Variants in PCDHA5 observed in about 807,000 individuals in gnomAD.
PCDHA5 encodes the protein protocadherin alpha 5.
In PCDHA5, 43 loss-of-function variants were observed where a neutral mutation model predicts 61.6. The observed-to-expected ratio is 0.70, with a 90% CI of 0.55 to 0.90. The LOEUF (loss-of-function observed/expected upper bound fraction) is 0.90. PCDHA5 is among the 40% of genes least tolerant of loss of function. PCDHA5 has a pLI of 0.00. For missense variants in PCDHA5, 1,298 were observed against 1,222.7 expected (o/e 1.06, Z -0.92); for synonymous variants, 627 against 543.9 (o/e 1.15, Z -2.13).
intron 1 of PCDHA5, chr5:140,863,238 T>G (rs1367184463): frequency 9.1e-6 from 12 of 1,318,616 alleles, no homozygotes; most frequent in Non-Finnish European, 1.3e-5. Context: ...CATCGCGGGC[T>G]TTGGCGGGCG....
intron 1 of PCDHA5, chr5:140,883,818 T>A (rs1349664661): frequency 6.2e-7 from 1 of 1,612,072 alleles, no homozygotes; most frequent in African/African-American, 1.3e-5. Flanking sequence ...AGCGGCAAGG[T>A]GTACGCGCTG....
intron 1 of PCDHA5, among the ~76,000 whole-genome samples, chr5:140,918,975 T>C (rs141194276): frequency 6.6e-6 from 1 of 152,310 alleles, no homozygotes; most frequent in East Asian, 1.9e-4. Flanking sequence ...ATCGTTTAGG[T>C]TAGTTGGTTT....
In PCDHA5 at chr5:140,851,054, T is replaced by C. The variant is rs1269980672; in HGVS notation, c.2352+26927T>C. The C allele has an allele frequency of 2.8e-5, 38 of 1,379,008 alleles. 5 individuals carry two copies. Among genetic ancestry groups the C allele is most frequent in the Non-Finnish European group, 3.5e-5 (37 of 1,051,766 alleles). The allele number at this position is 1,379,008 out of a possible 1,614,324, so 85.4% of individuals were successfully genotyped here. ...CTTAACATTGGAGCCGACTTTGTCT[T>C]GACTTCTAGTGAGAATTATAAACTG... On this transcript the variant is annotated intron_variant, in intron 1 of 3. Coordinates refer to ENST00000529859, the MANE Select transcript of PCDHA5 (RefSeq NM_018908.3).
intron 1 of PCDHA5, among the ~76,000 whole-genome samples, chr5:140,847,134 A>G (rs1210661520): frequency 6.7e-6 from 1 of 149,754 alleles, no homozygotes; most frequent in African/African-American, 2.4e-5. Flanking sequence ...AGGAAAACCA[A>G]TGTAAGAAGA....
rs2098417470 is a variant in PCDHA5, at chr5:141,010,504, A to G, written c.*567A>G. On this transcript the variant is annotated 3_prime_UTR_variant, in exon 4 of 4. Coordinates refer to ENST00000529859, the MANE Select transcript of PCDHA5 (RefSeq NM_018908.3). ...AACTTAAAGGGACCAGACTTTCTAA[A>G]TCTTACAACTCAAGAGGTGGCAGCC... 3.6e-6 allele frequency: 2 copies of G among 549,616 alleles called. No homozygotes were observed. The allele number at this position is 549,616 out of a possible 1,614,324, so 34.0% of individuals were successfully genotyped here.
chr5:140,841,612 G>A (rs141381378), intron 1 of PCDHA5: 7 of 1,614,012 alleles, frequency 4.3e-6, no homozygotes, highest in African/African-American at 2.7e-5. Context: ...AGCTGTGCGG[G>A]CGGAGCGCGG....
At chr5:140,909,951 G>A (rs560555991) in intron 1 of PCDHA5, among the ~76,000 whole-genome samples, 401 of 152,302 alleles carry the variant, frequency 2.6e-3, no homozygotes, top group African/African-American at 8.3e-3. Context: ...GTAAAAAGCC[G>A]TAGGTCTCCA....
At chr5:140,987,952 C>T (rs1176597775) in intron 3 of PCDHA5, among the ~76,000 whole-genome samples, 1 of 152,128 alleles carries the variant, frequency 6.6e-6, no homozygotes, top group African/African-American at 2.4e-5. Flanking sequence ...TCTGACAAAA[C>T]CAACTCCCCA....
chr5:140,887,787 C>T (rs782343895), intron 1 of PCDHA5, among the ~76,000 whole-genome samples: 8 of 152,080 alleles, frequency 5.3e-5, no homozygotes, highest in African/African-American at 9.7e-5. Flanking sequence ...GTCATTGAAG[C>T]GTTCTTTATT....
In PCDHA5 at chr5:140,924,786, T is replaced by G. The variant is rs2082007959; in HGVS notation, c.2353-54163T>G. Reference sequence around the variant, plus strand: ...GGTGCGCGCTTGTAGTCCTAGCTACTTAGGAGGCTGAGGCAAGAGAATCGC... The same window carrying G: ...GGTGCGCGCTTGTAGTCCTAGCTACGTAGGAGGCTGAGGCAAGAGAATCGC... On this transcript the variant is annotated intron_variant, in intron 1 of 3. Coordinates refer to ENST00000529859, the MANE Select transcript of PCDHA5 (RefSeq NM_018908.3). Among the ~76,000 whole-genome samples the G allele has an allele frequency of 4.6e-5, 7 of 151,720 alleles. No homozygotes were observed. In the South Asian group the frequency reaches 1.2e-3, roughly 27 times the overall value.
chr5:140,918,406 G>A (rs1382905411), intron 1 of PCDHA5, among the ~76,000 whole-genome samples: 2 of 152,076 alleles, frequency 1.3e-5, no homozygotes, highest in Non-Finnish European at 2.9e-5. Context: ...GATTTCTCTG[G>A]CCAGGACTTC....
intron 1 of PCDHA5, among the ~76,000 whole-genome samples, chr5:140,838,434 A>G (rs1554137076): frequency 1.3e-5 from 2 of 151,392 alleles, no homozygotes; most frequent in Non-Finnish European, 2.9e-5. Context: ...TAAATTATAT[A>G]TTGGGTTTTG....
intron 1 of PCDHA5, chr5:140,855,937 A>G: frequency 7.7e-7 from 1 of 1,306,456 alleles, no homozygotes; most frequent in Non-Finnish European, 1.1e-6. Flanking sequence ...TCATTCTGAG[A>G]TCTCAGCCAT....
At chr5:140,954,361 C>T (rs782543125) in intron 1 of PCDHA5, among the ~76,000 whole-genome samples, 18 of 152,220 alleles carry the variant, frequency 1.2e-4, no homozygotes, top group Non-Finnish European at 2.2e-4. Context: ...AATCGCCACA[C>T]AGTCTCCCAC....
chr5:140,852,737 C>T (rs980998080), intron 1 of PCDHA5: 2 of 983,692 alleles, frequency 2.0e-6, no homozygotes, highest in Non-Finnish European at 1.2e-6. Flanking sequence ...GTTTCATGTG[C>T]CATTTAAACT....
At chr5:140,856,761 C>T (rs377564040) in intron 1 of PCDHA5, 2 of 1,596,598 alleles carry the variant, frequency 1.3e-6, no homozygotes, top group Non-Finnish European at 1.7e-6. Context: ...AATGATAACG[C>T]CCCTATCTTT....
chr5:140,933,646 A>G (rs1459396156), intron 1 of PCDHA5, among the ~76,000 whole-genome samples: 16 of 152,120 alleles, frequency 1.1e-4, no homozygotes, highest in African/African-American at 3.9e-4. Flanking sequence ...AACAAGTTGG[A>G]AATCCTGTCT....
intron 1 of PCDHA5, chr5:140,882,334 A>G: frequency 1.2e-6 from 2 of 1,614,176 alleles, no homozygotes; most frequent in Non-Finnish European, 1.7e-6. Flanking sequence ...TGATCCTCGC[A>G]GCCTGGGAGA....
chr5:140,976,287 AAGCCTGTAATCCC>A (rs1253731489), intron 1 of PCDHA5, among the ~76,000 whole-genome samples: 3 of 152,196 alleles, frequency 2.0e-5, no homozygotes, highest in Admixed American at 6.5e-5. Flanking sequence ...ACAGTGGCTC[AAGCCTGTAATCCC>A]AGCACTTTGG....
Sources: allele counts gnomAD v4.1 joint callset (sites outside exome capture counted in the v4.1 genomes callset), GRCh38; gene constraint gnomAD v4.1.1; transcripts MANE v1.5; gene names NCBI Gene and HGNC (gene_info 2026-07-23, HGNC 2026-07-21).